Variants in SLCO3A1 observed in about 807,000 individuals in gnomAD.
SLCO3A1 encodes solute carrier organic anion transporter family member 3A1.
SLCO3A1 carries 27 observed loss-of-function variants against 63.1 expected under a neutral mutation model. The observed-to-expected ratio is 0.43, with a 90% CI of 0.32 to 0.59. The LOEUF (loss-of-function observed/expected upper bound fraction) is 0.59. Ranked by LOEUF, SLCO3A1 falls within the 20% of genes least tolerant of loss-of-function variation. The probability of loss-of-function intolerance (pLI) is 0.09; values close to 1 mark genes in which losing one functional copy is unlikely to be tolerated. For synonymous variants in SLCO3A1, 473 were observed against 409.9 expected (o/e 1.15, Z -1.86); for missense variants, 773 against 945.8 (o/e 0.82, Z 2.40).
Position 92,070,202 on chromosome 15 carries a change from C to T in SLCO3A1, c.647-24679C>T, listed in dbSNP as rs1029237169. ...GGCTTTCAAAATGGGTTTGATGGCA[C>T]CTCGTACCATTGTTTGGAGGGTAAA... is the stretch of plus-strand genomic sequence containing the variant. On this transcript the variant is annotated intron_variant, in intron 2 of 9. Transcript: ENST00000318445. Among the ~76,000 whole-genome samples, 38 of 152,176 alleles carry T rather than the reference C, an allele frequency of 2.5e-4. 1 individual carries two copies. The highest frequency in any genetic ancestry group is 2.0e-3 in the Admixed American group (30 of 15,282).
chr15:91,959,505 A>G (rs1217825392), intron 2 of SLCO3A1, among the ~76,000 whole-genome samples: 1 of 152,046 alleles, frequency 6.6e-6, no homozygotes, highest in African/African-American at 2.4e-5. Context: ...TGAGGCGGGC[A>G]GATCGCCTGA....
chr15:92,083,529 G>A (rs961266612), intron 2 of SLCO3A1, among the ~76,000 whole-genome samples: 3 of 152,162 alleles, frequency 2.0e-5, no homozygotes, highest in Non-Finnish European at 2.9e-5. Context: ...TTGCAGTTCC[G>A]TTCTATCAGC....
At chr15:92,023,253 T>C (rs1012857470) in intron 2 of SLCO3A1, among the ~76,000 whole-genome samples, 6 of 152,228 alleles carry the variant, frequency 3.9e-5, no homozygotes, top group Non-Finnish European at 1.5e-5. Context: ...TGAATCCACC[T>C]TTCTTTACAG....
chr15:91,866,575 TAAAAAAAAAAA>T (rs1191215854), intron 1 of SLCO3A1, among the ~76,000 whole-genome samples: 2 of 139,896 alleles, frequency 1.4e-5, no homozygotes, highest in Non-Finnish European at 3.2e-5. Context: ...CTCCTTTTTT[TAAAAAAAAAAA>T]AAAAAGAAAA....
intron 2 of SLCO3A1, among the ~76,000 whole-genome samples, chr15:91,988,967 C>A (rs1436187351): frequency 6.6e-6 from 1 of 152,178 alleles, no homozygotes; most frequent in Non-Finnish European, 1.5e-5. Context: ...TCATACTTAA[C>A]TTGGTGTCCT....
At chr15:91,864,118 A>G (rs1283305493) in intron 1 of SLCO3A1, among the ~76,000 whole-genome samples, 1 of 152,236 alleles carries the variant, frequency 6.6e-6, no homozygotes, top group Non-Finnish European at 1.5e-5. Flanking sequence ...CTAAATCCAA[A>G]TACAACCTTG....
rs926551281 is a variant in SLCO3A1 at position 91,907,389 on chromosome 15, A to T, written c.181-8604A>T. Among the ~76,000 whole-genome samples the T allele has an allele frequency of 4.0e-5, 6 of 151,662 alleles. No individual in the cohort carries two copies. The East Asian group carries it at 9.8e-4, about 25-fold the overall frequency. On this transcript the variant is annotated intron_variant, in intron 1 of 9. Transcript: ENST00000318445. The stretch of plus-strand genomic sequence containing the variant: ...CCTGGCTAATTTTTGTATTTTTAGT[A>T]GAGATGGGGTTTCACCATGTTGTCC...
intron 2 of SLCO3A1, among the ~76,000 whole-genome samples, chr15:92,036,129 G>A (rs934018468): frequency 4.6e-5 from 7 of 152,176 alleles, no homozygotes; most frequent in African/African-American, 1.7e-4. Context: ...TGCCCCATCT[G>A]TTTTCTAGAT....
chr15:92,149,037 T>A (rs780455373), intron 8 of SLCO3A1: 1 of 152,312 alleles, frequency 6.6e-6, no homozygotes, highest in South Asian at 2.1e-4. Flanking sequence ...TATTGTGATA[T>A]TCATACACTA....
At chr15:92,155,200 G>A (rs2048356372) in intron 9 of SLCO3A1, 2 of 152,254 alleles carry the variant, frequency 1.3e-5, no homozygotes, top group Admixed American at 6.5e-5. Context: ...CAGGTGTCTT[G>A]GCTACTCCTT....
intron 2 of SLCO3A1, among the ~76,000 whole-genome samples, chr15:92,041,618 T>C (rs1031220422): frequency 3.3e-5 from 5 of 152,206 alleles, no homozygotes; most frequent in African/African-American, 1.2e-4. Context: ...ACTGAATATA[T>C]GTGCATATGT....
intron 7 of SLCO3A1, among the ~76,000 whole-genome samples, chr15:92,134,203 C>G (rs1243705927): frequency 6.6e-6 from 1 of 152,230 alleles, no homozygotes; most frequent in Non-Finnish European, 1.5e-5. Flanking sequence ...TGTCTGGTTC[C>G]AAAGGCTTAC....
At chr15:92,145,975 C>A (rs2048216693) in intron 7 of SLCO3A1, among the ~76,000 whole-genome samples, 1 of 151,960 alleles carries the variant, frequency 6.6e-6, no homozygotes, top group Non-Finnish European at 1.5e-5. Context: ...TCTCTGTGTT[C>A]TGTGGGGAGA....
intron 2 of SLCO3A1, among the ~76,000 whole-genome samples, chr15:92,058,622 C>G (rs1396816396): frequency 6.6e-6 from 1 of 152,178 alleles, no homozygotes; most frequent in Admixed American, 6.5e-5. Context: ...ATATTCCAAA[C>G]CCACATCACC....
At chr15:92,101,967 C>T (rs1468098066) in intron 3 of SLCO3A1, among the ~76,000 whole-genome samples, 1 of 152,160 alleles carries the variant, frequency 6.6e-6, no homozygotes, top group African/African-American at 2.4e-5. Flanking sequence ...ATCGCCATCC[C>T]TCTCCCTGGG....
At chr15:92,008,558 G>A (rs1319834054) in intron 2 of SLCO3A1, among the ~76,000 whole-genome samples, 1 of 152,122 alleles carries the variant, frequency 6.6e-6, no homozygotes, top group East Asian at 1.9e-4. Flanking sequence ...TTTCTAAACT[G>A]GCATACTACA....
Position 92,128,496 on chromosome 15 carries a change from G to T in SLCO3A1, c.1512+7G>T. On this transcript the variant is annotated splice_region_variant and intron_variant, in intron 7 of 9. Transcript: ENST00000318445. ...TGCTGGCTGCAACAGCACGGTAATGGGATGGGGCAGGGGATGGGGCAGGGG... is the reference window on the plus strand; with the variant it reads ...TGCTGGCTGCAACAGCACGGTAATGTGATGGGGCAGGGGATGGGGCAGGGG... 1 of 1,567,356 alleles carries T rather than the reference G, an allele frequency of 6.4e-7. No individual in the cohort carries two copies. Among genetic ancestry groups the T allele is most frequent in the Non-Finnish European group, 8.6e-7 (1 of 1,164,544 alleles).
intron 7 of SLCO3A1, among the ~76,000 whole-genome samples, chr15:92,144,493 G>A (rs2048194216): frequency 6.6e-6 from 1 of 152,238 alleles, no homozygotes; most frequent in Non-Finnish European, 1.5e-5. Flanking sequence ...CTCTGGTACA[G>A]AGAGGAACCA....
In SLCO3A1 at chr15:91,863,101, A is replaced by C. The variant is rs1370788289; in HGVS notation, c.180+9013A>C. On this transcript the variant is annotated intron_variant, in intron 1 of 9. Transcript: ENST00000318445. The surrounding 1 kb of genome is among the most constrained non-coding windows in gnomAD (Gnocchi z 4.3). ...AAGAATTCCCTTAATGAAGATGAAA[A>C]TTTCTAAGCAGCATGGACCCATATG... 6.6e-6 allele frequency among the ~76,000 whole-genome samples: 1 copy of C among 152,222 alleles called. No individual in the cohort carries two copies. Among genetic ancestry groups the C allele is most frequent in the East Asian group, 1.9e-4 (1 of 5,204 alleles).
Sources: gnomAD v4.1 joint callset for allele counts (sites outside exome capture counted in the v4.1 genomes callset) on GRCh38, gnomAD v4.1.1 for gene constraint, Gnocchi (gnomAD v3.1) non-coding constraint, MANE v1.5 for transcripts, NCBI Gene and HGNC (gene_info 2026-07-23, HGNC 2026-07-21) for gene names.